BORCS5: variants seen among roughly 807,000 people sequenced by gnomAD.
BORCS5 encodes the protein BLOC-1 related complex subunit 5.
Under a neutral mutation model 22.1 loss-of-function variants are expected in BORCS5, and 17 were observed. The ratio of observed to expected loss-of-function variants is 0.77; its 90% CI spans 0.53 to 1.15. BORCS5 has a LOEUF of 1.15. Ranked by LOEUF, BORCS5 falls within the 50% of genes most tolerant of loss-of-function variation. The probability of loss-of-function intolerance (pLI) is 0.00; values close to 1 mark genes in which losing one functional copy is unlikely to be tolerated. For synonymous variants in BORCS5, 117 were observed against 99.8 expected, an observed-to-expected ratio of 1.17 and a Z score of -1.03; for missense variants, 247 against 253.2, an observed-to-expected ratio of 0.98 and a Z score of 0.17.
intron 2 of BORCS5, among the ~76,000 whole-genome samples, chr12:12,417,754 A>G (rs2136099604): frequency 6.6e-6 from 1 of 151,768 alleles, no homozygotes; most frequent in African/African-American, 2.4e-5. Flanking sequence ...CTCCTCATTG[A>G]TCCTCCATCT....
intron 2 of BORCS5, among the ~76,000 whole-genome samples, chr12:12,431,728 C>A (rs886099958): frequency 1.7e-5 from 2 of 117,516 alleles, no homozygotes; most frequent in Admixed American, 1.6e-4. Flanking sequence ...TTGCCAATTT[C>A]TTTTCTTGTT....
chr12:12,371,636 G>A (rs1863531532), intron 2 of BORCS5, among the ~76,000 whole-genome samples: 1 of 152,116 alleles, frequency 6.6e-6, no homozygotes, highest in Non-Finnish European at 1.5e-5. Context: ...ACACTAATAT[G>A]TTCTCTATGT....
chr12:12,385,050 G>T (rs1592072411), intron 2 of BORCS5, among the ~76,000 whole-genome samples: 1 of 151,464 alleles, frequency 6.6e-6, no homozygotes, highest in Non-Finnish European at 1.5e-5. Flanking sequence ...TCTGTAAATG[G>T]CTCTGCGTGG....
chr12:12,433,332 A>G (rs1235213876), intron 2 of BORCS5, among the ~76,000 whole-genome samples: 1 of 148,788 alleles, frequency 6.7e-6, no homozygotes, highest in African/African-American at 2.4e-5. Context: ...CAAAAAAAAA[A>G]AAAAAAAAAA....
chr12:12,382,730 G>A (rs1863801275), intron 2 of BORCS5, among the ~76,000 whole-genome samples: 1 of 150,676 alleles, frequency 6.6e-6, no homozygotes, highest in African/African-American at 2.4e-5. Flanking sequence ...ATAGGGTTTT[G>A]CCATGTTGGC....
intron 2 of BORCS5, among the ~76,000 whole-genome samples, chr12:12,406,402 T>C (rs1002769757): frequency 6.6e-6 from 1 of 152,218 alleles, no homozygotes. Flanking sequence ...ATGAGAACTT[T>C]CCATCTGATC....
chr12:12,412,173 G>C (rs574776688), intron 2 of BORCS5, among the ~76,000 whole-genome samples: 16 of 152,280 alleles, frequency 1.1e-4, no homozygotes, highest in African/African-American at 3.6e-4. Context: ...CTGGGATTTT[G>C]ATAGGGATTG....
chr12:12,375,145 G>T (rs1490453837), intron 2 of BORCS5, among the ~76,000 whole-genome samples: 1 of 152,064 alleles, frequency 6.6e-6, no homozygotes, highest in East Asian at 2.0e-4. Context: ...CTGAGTAGCT[G>T]ATATTACAGG....
Position 12,437,399 on chromosome 12 carries a change from A to G in BORCS5, c.360+1614A>G, listed in dbSNP as rs563691121. On this transcript the variant is annotated intron_variant, in intron 3 of 3. Coordinates refer to ENST00000314565, the MANE Select transcript of BORCS5 (RefSeq NM_058169.6). The stretch of plus-strand genomic sequence containing the variant: ...TCCTTTATAAATTACCCAGTCTTGG[A>G]TATGTCTTTATTAGCAATGTGAGAA... Among the ~76,000 whole-genome samples the G allele has an allele frequency of 2.0e-5, 3 of 152,332 alleles. No individual in the cohort carries two copies. The South Asian group carries it at 6.2e-4, about 32-fold the overall frequency.
At chr12:12,447,002 G>A (rs1394106690) in intron 3 of BORCS5, among the ~76,000 whole-genome samples, 2 of 152,166 alleles carry the variant, frequency 1.3e-5, no homozygotes, top group Admixed American at 6.5e-5. Flanking sequence ...GCGTAATACA[G>A]CATCATTACA....
chr12:12,368,675 C>T (rs1863457500), intron 2 of BORCS5, among the ~76,000 whole-genome samples: 1 of 151,316 alleles, frequency 6.6e-6, no homozygotes, highest in East Asian at 1.9e-4. Context: ...AAGCCCTGGG[C>T]TCAAGCAGAC....
intron 2 of BORCS5, among the ~76,000 whole-genome samples, chr12:12,433,003 A>AAAAACT (rs1483443480): frequency 6.6e-6 from 1 of 152,112 alleles, no homozygotes; most frequent in Non-Finnish European, 1.5e-5. Context: ...GTATAGGAAA[A>AAAAACT]AAAACTAAAT....
chr12:12,465,951 A>G lies in BORCS5; in HGVS notation c.*175A>G. 1 of 593,008 alleles carries G rather than the reference A, an allele frequency of 1.7e-6. No individual in the cohort carries two copies. The highest frequency in any genetic ancestry group is 2.1e-5 in the South Asian group (1 of 47,928). 36.7% of individuals were successfully genotyped at this position (593,008 alleles called of 1,614,324 possible). ...TGACTTTGCCCAGCTCTTTTCCTTG[A>G]TGCAGTTTCCCGGTGTGGAAGGAAC... On this transcript the variant is annotated 3_prime_UTR_variant, in exon 4 of 4. Coordinates refer to ENST00000314565, the MANE Select transcript of BORCS5 (RefSeq NM_058169.6).
rs912619141 is a variant in BORCS5 at position 12,469,560 on chromosome 12, G to A, written c.*3784G>A. On this transcript the variant is annotated 3_prime_UTR_variant, in exon 4 of 4. Coordinates refer to ENST00000314565, the MANE Select transcript of BORCS5 (RefSeq NM_058169.6). ...TTACATAAACTAATGGCCCTGGGGC[G>A]AATGACGTATGCCACTTTTGTGTTG... 3 of 152,248 alleles carry A rather than the reference G, an allele frequency of 2.0e-5. No homozygotes were observed. The highest frequency in any genetic ancestry group is 2.9e-5 in the Non-Finnish European group (2 of 68,054). 9.4% of individuals were successfully genotyped at this position (152,248 alleles called of 1,614,324 possible).
At chr12:12,422,523 C>T (rs549216973) in intron 2 of BORCS5, among the ~76,000 whole-genome samples, 4 of 151,932 alleles carry the variant, frequency 2.6e-5, no homozygotes, top group Non-Finnish European at 4.4e-5. Context: ...ATCGTTTGAA[C>T]CCAGGAGGCA....
At chr12:12,380,288 T>TAAA (rs11395771) in intron 2 of BORCS5, among the ~76,000 whole-genome samples, 62 of 149,724 alleles carry the variant, frequency 4.1e-4, no homozygotes, top group East Asian at 2.7e-3. Context: ...CTTCAATTTG[T>TAAA]AAAAAAAAAC....
At chr12:12,446,787 T>G (rs1224898158) in intron 3 of BORCS5, among the ~76,000 whole-genome samples, 1 of 152,194 alleles carries the variant, frequency 6.6e-6, no homozygotes, top group Non-Finnish European at 1.5e-5. Flanking sequence ...CTAAGGTCCT[T>G]TCACACCATT....
intron 2 of BORCS5, among the ~76,000 whole-genome samples, chr12:12,428,774 A>T (rs911046741): frequency 6.6e-6 from 1 of 152,156 alleles, no homozygotes; most frequent in African/African-American, 2.4e-5. Context: ...ATATAGTGAG[A>T]TGAAGTAGAT....
intron 3 of BORCS5, among the ~76,000 whole-genome samples, chr12:12,438,797 TA>T (rs1472478214): frequency 1.2e-4 from 18 of 152,298 alleles, no homozygotes; most frequent in African/African-American, 3.9e-4. Flanking sequence ...CCCCAGACAT[TA>T]TTTCATTCAT....
Sources: gnomAD v4.1 joint callset for allele counts (sites outside exome capture counted in the v4.1 genomes callset) on GRCh38, gnomAD v4.1.1 for gene constraint, MANE v1.5 for transcripts, NCBI Gene and HGNC (gene_info 2026-07-23, HGNC 2026-07-21) for gene names.